The following MELTF variants were observed in gnomAD, a reference collection of about 807,000 sequenced individuals.
MELTF encodes melanotransferrin, also known as antigen p97 (melanoma associated) identified by monoclonal antibodies 133.2 and 96.5.
In MELTF, 67 loss-of-function variants were observed where a neutral mutation model predicts 83.7. The ratio of observed to expected loss-of-function variants is 0.80; its 90% CI spans 0.66 to 0.98. The LOEUF (loss-of-function observed/expected upper bound fraction) is 0.98, where lower values mean the gene tolerates loss of function less well. Ranked by LOEUF, MELTF falls within the 50% of genes least tolerant of loss-of-function variation. MELTF has a pLI of 0.00. For synonymous variants in MELTF, 462 were observed against 447.6 expected (o/e 1.03, Z -0.41); for missense variants, 1,002 against 1,035.6 (o/e 0.97, Z 0.44).
rs1251734039 is a variant in MELTF at position 197,029,465 on chromosome 3, A to T, written c.49+189T>A. Among the ~76,000 whole-genome samples, 1 of 151,986 alleles carries T rather than the reference A, an allele frequency of 6.6e-6. No homozygotes were observed. Among genetic ancestry groups the T allele is most frequent in the Non-Finnish European group, 1.5e-5 (1 of 67,948 alleles). ...GGCCGCCTCCTCCAAGAAGCCTTCC[A>T]GACTTCCCCGTCTGCGCTTCAGTGC... On this transcript the variant is annotated intron_variant, in intron 1 of 15. Coordinates refer to ENST00000296350, the MANE Select transcript of MELTF (RefSeq NM_005929.6). The surrounding 1 kb of genome is among the most constrained non-coding windows in gnomAD (Gnocchi z 6.5).
chr3:197,018,126 T>C (rs933281771), intron 6 of MELTF, among the ~76,000 whole-genome samples: 1 of 152,156 alleles, frequency 6.6e-6, no homozygotes, highest in African/African-American at 2.4e-5. Context: ...TTTTCTATTT[T>C]ATTTCCTGTC....
chr3:197,003,289 G>C lies in MELTF; in HGVS notation c.*83C>G. 1 of 1,029,632 alleles carries C rather than the reference G, an allele frequency of 9.7e-7. No homozygotes were observed. 63.8% of individuals were successfully genotyped at this position (1,029,632 alleles called of 1,614,324 possible). A position where few individuals can be genotyped will look rare whatever the true frequency, so the allele number is the denominator to read the frequency against. On this transcript the variant is annotated 3_prime_UTR_variant, in exon 16 of 16. Transcript: ENST00000296350. This position sits in a 1 kb window ranked among gnomAD's most constrained non-coding sequence, Gnocchi z 6.2. ...CGCCCACGCCGGGCCCGGCCTTCGCGAGCTTCCTTCTGGATTCCAGCGCGA... is the reference window on the plus strand; with the variant it reads ...CGCCCACGCCGGGCCCGGCCTTCGCCAGCTTCCTTCTGGATTCCAGCGCGA...
At chr3:197,014,171 A>C (rs1227585484) in intron 9 of MELTF, among the ~76,000 whole-genome samples, 4 of 152,220 alleles carry the variant, frequency 2.6e-5, no homozygotes, top group Non-Finnish European at 5.9e-5. Flanking sequence ...AATACTATTT[A>C]GCCATAAAAA....
chr3:197,006,430 A>G lies in MELTF; in HGVS notation c.1938+119T>C. 1 of 868,484 alleles carries G rather than the reference A, an allele frequency of 1.2e-6. No individual in the cohort carries two copies. Among genetic ancestry groups the G allele is most frequent in the South Asian group, 2.0e-5 (1 of 50,066 alleles). The allele number at this position is 868,484 out of a possible 1,614,324, so 53.8% of individuals were successfully genotyped here. A position where few individuals can be genotyped will look rare whatever the true frequency, so the allele number is the denominator to read the frequency against. ...TCCTTGCGTAAGTGAAAATCACAGA[A>G]TTTCCCCCGGGCTTCCTCAATTTCT... On this transcript the variant is annotated intron_variant, in intron 14 of 15. Coordinates refer to ENST00000296350, the MANE Select transcript of MELTF (RefSeq NM_005929.6). The surrounding 1 kb of genome is among the most constrained non-coding windows in gnomAD (Gnocchi z 5.4).
intron 6 of MELTF, among the ~76,000 whole-genome samples, chr3:197,017,599 C>T (rs372820895): frequency 2.6e-4 from 40 of 152,224 alleles, no homozygotes; most frequent in Admixed American, 5.9e-4. Flanking sequence ...AAAGGCTGGC[C>T]GGGCGTGGTG....
rs150638130 is a variant in MELTF at position 197,004,015 on chromosome 3, C to T, written c.2023G>A (p.Asp675Asn). The change falls in exon 15 of 16, where the codon GAT (aspartate) becomes AAT (asparagine). Residue 675 changes from aspartate to asparagine, a missense_variant. Physicochemically the swap from Asp to Asn is conservative, Grantham distance 23. Coordinates refer to ENST00000296350, the MANE Select transcript of MELTF (RefSeq NM_005929.6). The part of the protein sequence containing the change: ...NYHGQDLLFK[D>N]ATVRAVPVGE... Reference sequence around the variant, plus strand: ...ACAGGCACCGCCCGGACGGTGGCATCCTTGAAAAGCAGGTCTTGGCCATGA... The same window carrying T: ...ACAGGCACCGCCCGGACGGTGGCATTCTTGAAAAGCAGGTCTTGGCCATGA... 1 of 1,614,178 alleles carries T rather than the reference C, an allele frequency of 6.2e-7. No homozygotes were observed. Among genetic ancestry groups the T allele is most frequent in the South Asian group, 1.1e-5 (1 of 91,082 alleles).
chr3:197,015,166 G>A (rs560554384), intron 9 of MELTF, among the ~76,000 whole-genome samples, 199 bp downstream of exon 9: 28 of 151,752 alleles, frequency 1.8e-4, no homozygotes, highest in Admixed American at 3.3e-4. Flanking sequence ...TGGCCCCTGC[G>A]GTCGCTCCTC....
At chr3:197,027,411 C>A (rs1025910141) in intron 2 of MELTF, among the ~76,000 whole-genome samples, 3 of 152,258 alleles carry the variant, frequency 2.0e-5, no homozygotes, top group African/African-American at 7.2e-5. Flanking sequence ...ACCACACAAG[C>A]CCCATTCTGG....
chr3:197,013,039 T>C (rs1719242525), intron 9 of MELTF, among the ~76,000 whole-genome samples: 1 of 152,250 alleles, frequency 6.6e-6, no homozygotes, highest in African/African-American at 2.4e-5. Context: ...AACTTCCCTA[T>C]GAAAATTCCA....
chr3:197,015,223 C>A, intron 9 of MELTF, 142 bp downstream of exon 9: 1 of 1,099,158 alleles, frequency 9.1e-7, no homozygotes, highest in Non-Finnish European at 1.3e-6. Flanking sequence ...CCTGCGGTCG[C>A]TCCTCCCCAC....
In MELTF at chr3:197,009,748, G is replaced by A; in HGVS notation, c.1395C>T (p.Phe465=). The A allele has an allele frequency of 6.2e-7, 1 of 1,613,550 alleles. No homozygotes were observed. ...GCTTGCCCCGAAGCTCATCCAAGGT[G>A]AAGGCGTGGGAGCTGTCCCGTCTCA... ...AVVRRDSSHA[F]TLDELRGKRS... is the part of the protein sequence containing the mutation. The change falls in exon 11 of 16, where the codon TTC becomes TTT. Residue 465 remains phenylalanine (F), a synonymous_variant. Coordinates refer to ENST00000296350, the MANE Select transcript of MELTF (RefSeq NM_005929.6).
rs749190191 is a variant in MELTF at position 197,022,967 on chromosome 3, C to CGCTG, written c.630_633dup (p.Gly212GlnfsTer51). 1 of 1,609,410 alleles carries CGCTG rather than the reference C, an allele frequency of 6.2e-7. No homozygotes were observed. The highest frequency in any genetic ancestry group is 1.3e-5 in the African/African-American group (1 of 74,734). ...CCCCACTCCGCTCACCGGAAGGCCCCGCTGTAGTCGTAGTATCTCTCCAGG... is the reference window on the plus strand; with the variant it reads ...CCCCACTCCGCTCACCGGAAGGCCCCGCTGGCTGTAGTCGTAGTATCTCTCCAGG... On this transcript the variant is annotated frameshift_variant, in exon 5 of 16. Transcript: ENST00000296350. LOFTEE classifies it high-confidence loss of function. This position sits in a 1 kb window ranked among gnomAD's most constrained non-coding sequence, Gnocchi z 5.1.
Position 197,022,733 on chromosome 3 carries a change from T to A in MELTF, c.644+224A>T, listed in dbSNP as rs1719671646. 6.6e-6 allele frequency among the ~76,000 whole-genome samples: 1 copy of A among 152,184 alleles called. No individual in the cohort carries two copies. The highest frequency in any genetic ancestry group is 6.5e-5 in the Admixed American group (1 of 15,280). On this transcript the variant is annotated intron_variant, in intron 5 of 15. Transcript: ENST00000296350. This position sits in a 1 kb window ranked among gnomAD's most constrained non-coding sequence, Gnocchi z 5.1. ...CTTGGAGCCCTCACCTCACTAAATA[T>A]ACCAAACACGTTGATTTCATGAGCA...
Position 197,007,325 on chromosome 3 carries a change from C to A in MELTF, c.1751-589G>T, listed in dbSNP as rs904320744. Among the ~76,000 whole-genome samples, 6 of 152,168 alleles carry A rather than the reference C, an allele frequency of 3.9e-5. No individual in the cohort carries two copies. Among genetic ancestry groups the A allele is most frequent in the Non-Finnish European group, 7.4e-5 (5 of 68,020 alleles). ...AGCATCCCACTGATTCTAAAGCAGG[C>A]GGTCTCGGGCTGCCTGAGAAAATGC... On this transcript the variant is annotated intron_variant, in intron 13 of 15. Transcript: ENST00000296350. This position sits in a 1 kb window ranked among gnomAD's most constrained non-coding sequence, Gnocchi z 4.3.
In MELTF at chr3:197,008,978, G is replaced by C; in HGVS notation, c.1526-13C>G. The stretch of plus-strand genomic sequence containing the variant: ...AACTCGCTCACTGCTGGGGTGGAGG[G>C]AAGGGCAATGATGAGGGGCCAGCAG... On this transcript the variant is annotated splice_polypyrimidine_tract_variant and intron_variant, in intron 11 of 15. Coordinates refer to ENST00000296350, the MANE Select transcript of MELTF (RefSeq NM_005929.6). The surrounding 1 kb of genome is among the most constrained non-coding windows in gnomAD (Gnocchi z 5.4). 1 of 1,613,644 alleles carries C rather than the reference G, an allele frequency of 6.2e-7. No individual in the cohort carries two copies. Among genetic ancestry groups the C allele is most frequent in the South Asian group, 1.1e-5 (1 of 91,072 alleles).
intron 4 of MELTF, among the ~76,000 whole-genome samples, 182 bp from the exon 5 acceptor site, chr3:197,023,295 C>T (rs970025535): frequency 2.6e-5 from 4 of 152,182 alleles, no homozygotes; most frequent in African/African-American, 9.7e-5. Context: ...ACCGGGTCCA[C>T]CAAGGCAGCA....
intron 9 of MELTF, among the ~76,000 whole-genome samples, chr3:197,014,359 T>G (rs1577933494): frequency 7.0e-6 from 1 of 142,468 alleles, no homozygotes; most frequent in African/African-American, 2.7e-5. Flanking sequence ...CTGGGAAGGG[T>G]AGGGGAAGGG....
intron 9 of MELTF, among the ~76,000 whole-genome samples, chr3:197,014,904 C>G (rs145816822): frequency 6.6e-6 from 1 of 152,114 alleles, no homozygotes; most frequent in African/African-American, 2.4e-5. Context: ...CATGAATATG[C>G]ACAATTATTA....
In MELTF at chr3:197,010,770, G is replaced by A. The variant is rs1158444165; in HGVS notation, c.1258C>T (p.Leu420=). The change falls in exon 10 of 16, where the codon CTG becomes TTG. Residue 420 remains leucine (L), a synonymous_variant. Coordinates refer to ENST00000296350, the MANE Select transcript of MELTF (RefSeq NM_005929.6). The part of the protein sequence containing the change: ...IQAEQVDAVT[L]SGEDIYTAGK... ...GCCGTGTAAATGTCCTCGCCACTCA[G>A]GGTCACAGCGTCGACCTGCTCAGCC... The A allele has an allele frequency of 3.7e-6, 6 of 1,613,542 alleles. No individual in the cohort carries two copies. The African/African-American group carries it at 5.3e-5, about 14-fold the overall frequency.
Sources: allele counts gnomAD v4.1 joint callset (sites outside exome capture counted in the v4.1 genomes callset), GRCh38; gene constraint gnomAD v4.1.1; non-coding constraint Gnocchi (gnomAD v3.1); transcripts MANE v1.5; gene names NCBI Gene and HGNC (gene_info 2026-07-23, HGNC 2026-07-21).